ITGB5: variants seen among roughly 807,000 people sequenced by gnomAD.
The protein encoded by ITGB5 is integrin beta-5.
In ITGB5, 38 loss-of-function variants were observed where a neutral mutation model predicts 84.8. The observed-to-expected ratio is 0.45, with a 90% CI of 0.35 to 0.59. The LOEUF is 0.59. ITGB5 is among the 20% of genes least tolerant of loss of function. The pLI, the probability that ITGB5 is intolerant of heterozygous loss-of-function variation, is 0.01. For missense variants in ITGB5, 905 were observed against 1,034.5 expected (o/e 0.87, Z 1.72); for synonymous variants, 393 against 414.4 (o/e 0.95, Z 0.63).
At position 124,762,581 on chromosome 3, in the gene ITGB5, G is replaced by A. The variant is rs2063710160; in HGVS notation, c.*1042C>T. The A allele has an allele frequency of 1.3e-5, 2 of 152,182 alleles. No homozygotes were observed. The highest frequency in any genetic ancestry group is 4.8e-5 in the African/African-American group (2 of 41,436). The allele number at this position is 152,182 out of a possible 1,614,324, so 9.4% of individuals were successfully genotyped here. On this transcript the variant is annotated 3_prime_UTR_variant, in exon 15 of 15. Transcript: ENST00000296181. ...CGTAAGTGTTTCGGGAGTGAGGGGA[G>A]GCCTTGGAAGGGAACTGCTATTGCT...
upstream of ITGB5, among the ~76,000 whole-genome samples, chr3:124,892,415 T>C (rs1243510986): frequency 6.6e-6 from 1 of 150,504 alleles, no homozygotes; most frequent in South Asian, 2.1e-4. Context: ...CCAGGTGTGG[T>C]CGCTCACACC....
At chr3:124,876,104 T>G (rs2107643823) in intron 1 of ITGB5, among the ~76,000 whole-genome samples, 1 of 152,262 alleles carries the variant, frequency 6.6e-6, no homozygotes, top group East Asian at 1.9e-4. Context: ...TTCATAATAA[T>G]GTATTGCACA....
upstream of ITGB5, among the ~76,000 whole-genome samples, chr3:124,889,801 G>A (rs1034500677): frequency 6.6e-6 from 1 of 152,154 alleles, no homozygotes; most frequent in Non-Finnish European, 1.5e-5. Flanking sequence ...ATAGCTTGAG[G>A]CCAAAGTTCG....
At chr3:124,888,202 C>T (rs1032279000), upstream of ITGB5, among the ~76,000 whole-genome samples, 1 of 152,068 alleles carries the variant, frequency 6.6e-6, no homozygotes, top group Admixed American at 6.6e-5. Context: ...CAGGTGCGAG[C>T]CACCGTGCCC....
At chr3:124,811,097 A>G (rs1009047225) in intron 8 of ITGB5, among the ~76,000 whole-genome samples, 2 of 152,240 alleles carry the variant, frequency 1.3e-5, no homozygotes, top group Non-Finnish European at 2.9e-5. Context: ...GATCCGTCTT[A>G]AATCCACTTC....
chr3:124,857,787 C>T (rs2065239786), intron 3 of ITGB5, among the ~76,000 whole-genome samples: 1 of 152,090 alleles, frequency 6.6e-6, no homozygotes, highest in Non-Finnish European at 1.5e-5. Context: ...GGGGCTGAAT[C>T]GATTCACCAC....
intron 1 of ITGB5, among the ~76,000 whole-genome samples, chr3:124,880,855 G>A (rs942455336): frequency 6.6e-6 from 1 of 151,908 alleles, no homozygotes; most frequent in Non-Finnish European, 1.5e-5. Flanking sequence ...CTTGAACCTA[G>A]GAGGCAGAGG....
At position 124,863,627 on chromosome 3, in the gene ITGB5, C is replaced by T. The variant is rs111683905; in HGVS notation, c.157-4181G>A. Among the ~76,000 whole-genome samples the T allele has an allele frequency of 5.3e-3, 814 of 152,218 alleles. 2 individuals are homozygous for T. The highest frequency in any genetic ancestry group is 0.019 in the African/African-American group (787 of 41,530). ...TCTGCTTCCTGGGTTCAAGTGATCC[C>T]GCCACCTTAGCCTCCGGAGTAGCTG... On this transcript the variant is annotated intron_variant, in intron 2 of 14. Transcript: ENST00000296181.
At chr3:124,768,783 T>C (rs938536293) in intron 12 of ITGB5, among the ~76,000 whole-genome samples, 2 of 152,240 alleles carry the variant, frequency 1.3e-5, no homozygotes, top group Non-Finnish European at 2.9e-5. Context: ...GCACATTGTA[T>C]GGTGATTCTA....
chr3:124,822,401 G>A (rs1293304890), intron 5 of ITGB5, among the ~76,000 whole-genome samples: 1 of 152,216 alleles, frequency 6.6e-6, no homozygotes, highest in Non-Finnish European at 1.5e-5. Context: ...ACTTGCTACT[G>A]AAATAGGAGA....
intron 3 of ITGB5, among the ~76,000 whole-genome samples, chr3:124,853,597 C>G (rs186504261): frequency 6.6e-6 from 1 of 152,144 alleles, no homozygotes; most frequent in South Asian, 2.1e-4. Flanking sequence ...CACTGTCACC[C>G]AGGGTGGCAA....
intron 5 of ITGB5, among the ~76,000 whole-genome samples, chr3:124,838,917 T>C (rs2064975591): frequency 6.6e-6 from 1 of 152,190 alleles, no homozygotes; most frequent in Non-Finnish European, 1.5e-5. Context: ...CATTAAATAT[T>C]TTAAGTAGTA....
chr3:124,872,257 G>C (rs1934093111), intron 2 of ITGB5, among the ~76,000 whole-genome samples: 1 of 152,172 alleles, frequency 6.6e-6, no homozygotes, highest in South Asian at 2.1e-4. Flanking sequence ...TAGTCTGGAG[G>C]GAAAAGCTTG....
chr3:124,826,205 C>A (rs1052041320), intron 5 of ITGB5, among the ~76,000 whole-genome samples: 1 of 152,204 alleles, frequency 6.6e-6, no homozygotes, highest in East Asian at 1.9e-4. Flanking sequence ...CTTTAATAGG[C>A]GGGCACAACT....
At chr3:124,793,358 AAAAG>A (rs2150962935) in intron 10 of ITGB5, among the ~76,000 whole-genome samples, 1 of 152,308 alleles carries the variant, frequency 6.6e-6, no homozygotes, top group East Asian at 1.9e-4. Context: ...ATATCTCTTT[AAAAG>A]AAAAACTGCT....
chr3:124,766,601 T>C (rs1168866923), intron 12 of ITGB5, among the ~76,000 whole-genome samples: 2 of 152,086 alleles, frequency 1.3e-5, no homozygotes, highest in Admixed American at 6.5e-5. Context: ...GAAGTGTTAG[T>C]CGGGGGTGAT....
At chr3:124,779,380 C>T (rs191076265) in intron 10 of ITGB5, among the ~76,000 whole-genome samples, 4 of 152,048 alleles carry the variant, frequency 2.6e-5, no homozygotes, top group East Asian at 1.9e-4. Context: ...GGGCGAGAAA[C>T]GTGTGACCTG....
intron 8 of ITGB5, among the ~76,000 whole-genome samples, chr3:124,814,532 A>AGT (rs113051888): frequency 2.7e-5 from 4 of 150,834 alleles, no homozygotes; most frequent in African/African-American, 9.7e-5. Flanking sequence ...GCTAGAGCAC[A>AGT]GTGATACAAT....
At chr3:124,775,101 G>A (rs1332150457) in intron 10 of ITGB5, among the ~76,000 whole-genome samples, 1 of 152,210 alleles carries the variant, frequency 6.6e-6, no homozygotes, top group African/African-American at 2.4e-5. Flanking sequence ...CTTCCTTGCA[G>A]GGGGTCCTCT....
Sources: allele counts gnomAD v4.1 joint callset (sites outside exome capture counted in the v4.1 genomes callset), GRCh38; gene constraint gnomAD v4.1.1; transcripts MANE v1.5; gene names NCBI Gene and HGNC (gene_info 2026-07-23, HGNC 2026-07-21).